The following GNRHR variants were observed in gnomAD, a reference collection of about 807,000 sequenced individuals.
GNRHR encodes the protein gonadotropin releasing hormone receptor.
In GNRHR, 14 loss-of-function variants were observed where a neutral mutation model predicts 28.1. The ratio of observed to expected loss-of-function variants is 0.50; its 90% CI spans 0.33 to 0.78. The LOEUF (loss-of-function observed/expected upper bound fraction) is 0.78, where lower values mean the gene tolerates loss of function less well. Ranked by LOEUF, GNRHR falls within the 30% of genes least tolerant of loss-of-function variation. The pLI is 0.02. For synonymous variants in GNRHR, 141 were observed against 140.5 expected, an observed-to-expected ratio of 1.00 and a Z score of -0.02; for missense variants, 366 against 382.1, an observed-to-expected ratio of 0.96 and a Z score of 0.35.
chr4:67,754,322 G>T lies in GNRHR; in HGVS notation c.14C>A (p.Ala5Asp), dbSNP rs775721426. MANS[A>D]SPEQNQNHCS... is the part of the protein sequence containing the mutation. ...GTGATTTTGATTCTGTTCAGGAGAG[G>T]CACTGTTTGCCATATTTTCCCAGGA... The change falls in exon 1 of 3, where the codon GCC (alanine) becomes GAC (aspartate). Residue 5 changes from alanine (A) to aspartate (D), a missense_variant. By Grantham distance (126) the Ala-to-Asp change is moderately radical. Coordinates refer to ENST00000226413, the MANE Select transcript of GNRHR (RefSeq NM_000406.3). 3 of 1,610,176 alleles carry T rather than the reference G, an allele frequency of 1.9e-6. No homozygotes were observed. The highest frequency in any genetic ancestry group is 1.7e-6 in the Non-Finnish European group (2 of 1,179,468).
chr4:67,744,865 C>T (rs17082306), intron 1 of GNRHR, 78 bp from the exon 2 acceptor site: 18,934 of 821,978 alleles, frequency 0.023, 548 homozygotes, highest in East Asian at 0.092. Context: ...CTCTGCTAGC[C>T]TTCTAACATG....
chr4:67,753,631 C>G, intron 1 of GNRHR, 183 bp downstream of exon 1: 3 of 609,796 alleles, frequency 4.9e-6, no homozygotes, highest in Non-Finnish European at 8.7e-6. Context: ...GAACTGAAAC[C>G]AGAGAGGTTA....
At position 67,746,864 on chromosome 4, in the gene GNRHR, G is replaced by GA. The variant is rs548819302; in HGVS notation, c.523-2078dup. Among the ~76,000 whole-genome samples, 26 of 151,948 alleles carry GA rather than the reference G, an allele frequency of 1.7e-4. No individual in the cohort carries two copies. The South Asian group carries it at 4.4e-3, about 25-fold the overall frequency. The stretch of plus-strand genomic sequence containing the variant: ...TCAGAGCTTTTTTCATTTTCAAGGG[G>GA]AAAAAATGATTTTAAATTCATCCAC... On this transcript the variant is annotated intron_variant, in intron 1 of 2. Transcript: ENST00000226413.
Position 67,753,993 on chromosome 4 carries a change from T to C in GNRHR, c.343A>G (p.Lys115Glu). The C allele has an allele frequency of 6.2e-7, 1 of 1,614,040 alleles. No individual in the cohort carries two copies. Among genetic ancestry groups the C allele is most frequent in the Non-Finnish European group, 8.5e-7 (1 of 1,179,906 alleles). ...VQWYAGELLC[K>E]VLSYLKLFSM... ...AAAAGCTTTAGATAACTGAGAACTTTGCAGAGTAACTCTCCAGCATACCAT... is the reference window on the plus strand; with the variant it reads ...AAAAGCTTTAGATAACTGAGAACTTCGCAGAGTAACTCTCCAGCATACCAT... Residue 115 changes from lysine to glutamate, a missense_variant, in exon 1 of 3, where the codon AAA becomes GAA. Coordinates refer to ENST00000226413, the MANE Select transcript of GNRHR (RefSeq NM_000406.3).
chr4:67,744,486 TC>T, intron 2 of GNRHR, 81 bp downstream of exon 2: 1 of 808,182 alleles, frequency 1.2e-6, no homozygotes, highest in Admixed American at 1.8e-5. Flanking sequence ...ACAGTATCTG[TC>T]ACATAGTTCA....
At chr4:67,751,802 A>G (rs1731873643) in intron 1 of GNRHR, 1 of 152,178 alleles carries the variant, frequency 6.6e-6, no homozygotes, top group Non-Finnish European at 1.5e-5. Context: ...CAAATTACCA[A>G]CTACTTTACA....
At chr4:67,752,142 A>C (rs936593578) in intron 1 of GNRHR, among the ~76,000 whole-genome samples, 1 of 151,998 alleles carries the variant, frequency 6.6e-6, no homozygotes, top group Non-Finnish European at 1.5e-5. Context: ...GATGATTTTT[A>C]AAAAAGTCTT....
In GNRHR at chr4:67,739,566, T is replaced by C. The variant is rs1018908755; in HGVS notation, c.*914A>G. On this transcript the variant is annotated 3_prime_UTR_variant, in exon 3 of 3. Transcript: ENST00000226413. ...TTTTTGCTTGTGCATTTGCTTAATT[T>C]TGTTTTAATTATTCTCAGTTATTTA... 6.6e-6 allele frequency: 1 copy of C among 152,110 alleles called. No individual in the cohort carries two copies. Among genetic ancestry groups the C allele is most frequent in the African/African-American group, 2.4e-5 (1 of 41,452 alleles). 9.4% of individuals were successfully genotyped at this position (152,110 alleles called of 1,614,324 possible).
intron 1 of GNRHR, among the ~76,000 whole-genome samples, chr4:67,751,023 A>G (rs1221460428): frequency 6.6e-6 from 1 of 152,174 alleles, no homozygotes; most frequent in Non-Finnish European, 1.5e-5. Context: ...GAATAAGACA[A>G]CACGAGTCCA....
chr4:67,740,589 T>C lies in GNRHR; in HGVS notation c.878A>G (p.Asp293Gly). The change falls in exon 3 of 3, where the codon GAT becomes GGT. Residue 293 changes from aspartate (D) to glycine (G), a missense_variant. Coordinates refer to ENST00000226413, the MANE Select transcript of GNRHR (RefSeq NM_000406.3). ...YYVLGIWYWF[D>G]PEMLNRLSDP... is the part of the protein sequence containing the mutation. ...TGACAACCTGTTTAACATTTCAGGATCAAACCAATACCAAATTCCTAGGAC... is the reference window on the plus strand; with the variant it reads ...TGACAACCTGTTTAACATTTCAGGACCAAACCAATACCAAATTCCTAGGAC... The C allele has an allele frequency of 6.2e-7, 1 of 1,612,940 alleles. No homozygotes were observed. The highest frequency in any genetic ancestry group is 8.5e-7 in the Non-Finnish European group (1 of 1,178,952).
At chr4:67,753,638 G>T (rs1364581874) in intron 1 of GNRHR, 176 bp downstream of exon 1, 2 of 622,920 alleles carry the variant, frequency 3.2e-6, no homozygotes, top group Non-Finnish European at 5.7e-6. Flanking sequence ...AACCAGAGAG[G>T]TTAAGAAGTT....
Position 67,753,960 on chromosome 4 carries a change from A to G in GNRHR, c.376T>C (p.Tyr126His). 1.2e-6 allele frequency: 2 copies of G among 1,613,996 alleles called. No individual in the cohort carries two copies. Among genetic ancestry groups the G allele is most frequent in the Non-Finnish European group, 1.7e-6 (2 of 1,179,878 alleles). The change falls in exon 1 of 3, where the codon TAT becomes CAT. Residue 126 changes from tyrosine to histidine, a missense_variant. Transcript: ENST00000226413. Reference sequence around the variant, plus strand: ...ACCACCATCATGAAGGCTGGGGCATACATGGAGAAAAGCTTTAGATAACTG... The same window carrying G: ...ACCACCATCATGAAGGCTGGGGCATGCATGGAGAAAAGCTTTAGATAACTG... ...VLSYLKLFSM[Y>H]APAFMMVVIS...
intron 1 of GNRHR, among the ~76,000 whole-genome samples, chr4:67,749,357 A>G (rs1055297497): frequency 6.6e-6 from 1 of 152,144 alleles, no homozygotes; most frequent in Non-Finnish European, 1.5e-5. Flanking sequence ...AATATGTAAT[A>G]CTCTGTATTA....
intron 1 of GNRHR, among the ~76,000 whole-genome samples, chr4:67,750,713 TTTCAAC>T (rs977144361): frequency 6.6e-6 from 1 of 152,150 alleles, no homozygotes; most frequent in Non-Finnish European, 1.5e-5. Context: ...AGTGTTTTTT[TTTCAAC>T]TGAGGTATGA....
At position 67,741,179 on chromosome 4, in the gene GNRHR, T is replaced by C. The variant is rs555295002; in HGVS notation, c.743-455A>G. ...AGCAGTGTACGCTGTACCAAATGTGTAGTCTTTTATCCCTTGCCACCCCCA... is the reference window on the plus strand; with the variant it reads ...AGCAGTGTACGCTGTACCAAATGTGCAGTCTTTTATCCCTTGCCACCCCCA... On this transcript the variant is annotated intron_variant, in intron 2 of 2. Coordinates refer to ENST00000226413, the MANE Select transcript of GNRHR (RefSeq NM_000406.3). Among the ~76,000 whole-genome samples the C allele has an allele frequency of 2.0e-5, 3 of 152,242 alleles. No homozygotes were observed. The South Asian group carries it at 6.2e-4, about 32-fold the overall frequency.
chr4:67,745,828 G>A (rs1047668471), intron 1 of GNRHR, among the ~76,000 whole-genome samples: 2 of 152,060 alleles, frequency 1.3e-5, no homozygotes, highest in Non-Finnish European at 2.9e-5. Context: ...TGCTTAAAGT[G>A]TATAACCTGA....
At chr4:67,745,714 A>G (rs1731741840) in intron 1 of GNRHR, among the ~76,000 whole-genome samples, 1 of 152,116 alleles carries the variant, frequency 6.6e-6, no homozygotes, top group Non-Finnish European at 1.5e-5. Context: ...CAGAAGAGAA[A>G]TAGCTAGATA....
intron 1 of GNRHR, among the ~76,000 whole-genome samples, chr4:67,745,408 T>A (rs960462569): frequency 2.0e-5 from 3 of 151,954 alleles, no homozygotes; most frequent in Non-Finnish European, 2.9e-5. Flanking sequence ...AATGAGAAAC[T>A]ATTGAATAAA....
chr4:67,747,789 A>T (rs2109984914), intron 1 of GNRHR, among the ~76,000 whole-genome samples: 1 of 152,278 alleles, frequency 6.6e-6, no homozygotes, highest in Admixed American at 6.5e-5. Flanking sequence ...AAGCAGTTAT[A>T]TCCTTCAATC....
Sources: gnomAD v4.1 joint callset for allele counts (sites outside exome capture counted in the v4.1 genomes callset) on GRCh38, gnomAD v4.1.1 for gene constraint, MANE v1.5 for transcripts, NCBI Gene and HGNC (gene_info 2026-07-23, HGNC 2026-07-21) for gene names.